The following KLRG2 variants were observed in gnomAD, a reference collection of about 807,000 sequenced individuals.
The protein encoded by KLRG2 is killer cell lectin-like receptor subfamily G member 2.
A neutral mutation model predicts 35.4 loss-of-function variants in KLRG2; 39 were observed. That is an observed-to-expected ratio of 1.10 (90% confidence interval 0.85 to 1.44). KLRG2 has a LOEUF of 1.44. Ranked by LOEUF, KLRG2 falls within the 40% of genes most tolerant of loss-of-function variation. The pLI, the probability that KLRG2 is intolerant of heterozygous loss-of-function variation, is 0.00. For synonymous variants in KLRG2, 283 were observed against 265.8 expected (o/e 1.06, Z -0.63); for missense variants, 632 against 570.9 (o/e 1.11, Z -1.09).
At chr7:139,477,583 C>T (rs189172485) in intron 3 of KLRG2, among the ~76,000 whole-genome samples, 4 of 151,560 alleles carry the variant, frequency 2.6e-5, no homozygotes, top group East Asian at 1.9e-4. Flanking sequence ...GGATTGGGGG[C>T]GGGGGAAATG....
intron 1 of KLRG2, among the ~76,000 whole-genome samples, chr7:139,480,927 A>G (rs1411681219): frequency 1.3e-5 from 2 of 151,682 alleles, no homozygotes; most frequent in Non-Finnish European, 2.9e-5. Flanking sequence ...TATCTTTAGT[A>G]GAGATGGGGT....
At chr7:139,476,672 G>T (rs1252766900) in intron 3 of KLRG2, among the ~76,000 whole-genome samples, 2 of 152,038 alleles carry the variant, frequency 1.3e-5, no homozygotes, top group Non-Finnish European at 2.9e-5. Context: ...ACTCCCGACT[G>T]CAGGTGATCC....
intron 2 of KLRG2, 108 bp downstream of exon 2, chr7:139,480,038 G>GCAT: frequency 1.2e-6 from 1 of 836,628 alleles, no homozygotes; most frequent in Non-Finnish European, 2.0e-6. Flanking sequence ...TCTTCGTGTT[G>GCAT]CATCTCCCAG....
chr7:139,435,545 T>A, the KLRG2 span, among the ~76,000 whole-genome samples: 1 of 152,192 alleles, frequency 6.6e-6, no homozygotes, highest in Admixed American at 6.5e-5. Flanking sequence ...ATCCCACCAC[T>A]GCAATCATGA....
Position 139,453,477 on chromosome 7 carries a change from G to A in KLRG2, c.*110C>T. ...CATGTGGCCCCCTTGAGCAGAGCATGAAGACCTGGATAACTGGGTCCAGGA... is the reference window on the plus strand; with the variant it reads ...CATGTGGCCCCCTTGAGCAGAGCATAAAGACCTGGATAACTGGGTCCAGGA... On this transcript the variant is annotated 3_prime_UTR_variant, in exon 5 of 5. Transcript: ENST00000340940. 8.4e-7 allele frequency: 1 copy of A among 1,188,866 alleles called. No homozygotes were observed. The highest frequency in any genetic ancestry group is 1.4e-5 in the South Asian group (1 of 72,108). 73.6% of individuals were successfully genotyped at this position (1,188,866 alleles called of 1,614,324 possible). A position where few individuals can be genotyped will look rare whatever the true frequency, so the allele number is the denominator to read the frequency against.
chr7:139,461,460 A>G (rs1796565383), intron 3 of KLRG2, among the ~76,000 whole-genome samples: 1 of 152,234 alleles, frequency 6.6e-6, no homozygotes, highest in Non-Finnish European at 1.5e-5. Context: ...TTTGGACTTT[A>G]GGATTGCCAG....
At chr7:139,442,358 C>A in the KLRG2 span, among the ~76,000 whole-genome samples, 2 of 152,178 alleles carry the variant, frequency 1.3e-5, no homozygotes, top group Non-Finnish European at 2.9e-5. Flanking sequence ...TCTCCTAGAG[C>A]ATACATAGCC....
chr7:139,442,742 G>C, the KLRG2 span, among the ~76,000 whole-genome samples: 1 of 152,080 alleles, frequency 6.6e-6, no homozygotes. Flanking sequence ...AGATACTCAG[G>C]AGGCTGAGCC....
rs144837838 is a variant in KLRG2 at position 139,459,562 on chromosome 7, C to T, written c.1006-5348G>A. Among the ~76,000 whole-genome samples, 212 of 152,322 alleles carry T rather than the reference C, an allele frequency of 1.4e-3. 8 individuals are homozygous for T. The East Asian group carries it at 0.022, about 16-fold the overall frequency. On this transcript the variant is annotated intron_variant, in intron 3 of 4. Transcript: ENST00000340940. ...TTTGCACAGCCCATTCCCATCTCAA[C>T]GCCAACACCTCAGGGCCCAGCCCAG... is the stretch of plus-strand genomic sequence containing the variant.
downstream of KLRG2, among the ~76,000 whole-genome samples, chr7:139,451,690 T>G (rs2116417310): frequency 6.6e-6 from 1 of 152,186 alleles, no homozygotes; most frequent in South Asian, 2.1e-4. Flanking sequence ...TGGAGTCAGA[T>G]AGCAAGTGGG....
At chr7:139,468,751 C>T (rs866860371) in intron 3 of KLRG2, among the ~76,000 whole-genome samples, 11 of 152,304 alleles carry the variant, frequency 7.2e-5, no homozygotes, top group Non-Finnish European at 1.3e-4. Context: ...GTAAGTGTGA[C>T]GGGATGAATT....
At chr7:139,430,487 T>G in the KLRG2 span, among the ~76,000 whole-genome samples, 15 of 152,260 alleles carry the variant, frequency 9.9e-5, no homozygotes, top group South Asian at 2.1e-4. Context: ...CACCTAAGTA[T>G]GAATGAAGAT....
At chr7:139,470,054 T>G (rs1796730069) in intron 3 of KLRG2, among the ~76,000 whole-genome samples, 2 of 151,734 alleles carry the variant, frequency 1.3e-5, no homozygotes, top group African/African-American at 4.8e-5. Context: ...AGGGCATGGG[T>G]AAGCAATTCT....
chr7:139,438,277 A>T, the KLRG2 span, among the ~76,000 whole-genome samples: 1 of 152,236 alleles, frequency 6.6e-6, no homozygotes, highest in East Asian at 1.9e-4. Flanking sequence ...TGTCACCCAG[A>T]CTAGAGTGCA....
rs1796419798 is a variant in KLRG2, at chr7:139,454,174, A to C, written c.1046T>G (p.Val349Gly). 1 of 1,545,440 alleles carries C rather than the reference A, an allele frequency of 6.5e-7. No homozygotes were observed. The highest frequency in any genetic ancestry group is 2.4e-5 in the East Asian group (1 of 40,830). The change falls in exon 4 of 5, where the codon GTG becomes GGG. Residue 349 changes from valine (V) to glycine (G), a missense_variant. Coordinates refer to ENST00000340940, the MANE Select transcript of KLRG2 (RefSeq NM_198508.4). ...GRYPVSRHSWVGAWRGPQGWH... is the reference protein window; with the variant it reads ...GRYPVSRHSWGGAWRGPQGWH... Reference sequence around the variant, plus strand: ...GCCCTGGGGGCCTCGCCAGGCCCCCACCCAGGAGTGCCTGGAGACTGGGTA... The same window carrying C: ...GCCCTGGGGGCCTCGCCAGGCCCCCCCCCAGGAGTGCCTGGAGACTGGGTA...
At chr7:139,468,534 C>T (rs533587140) in intron 3 of KLRG2, among the ~76,000 whole-genome samples, 4 of 152,272 alleles carry the variant, frequency 2.6e-5, no homozygotes, top group East Asian at 1.9e-4. Context: ...AATGGCCCCA[C>T]CCTTATCTCC....
intron 3 of KLRG2, among the ~76,000 whole-genome samples, chr7:139,463,343 C>T (rs1796600296): frequency 6.6e-6 from 1 of 152,172 alleles, no homozygotes; most frequent in Non-Finnish European, 1.5e-5. Flanking sequence ...CCTCAAACCC[C>T]ACAACAAGAC....
chr7:139,430,148 A>G, the KLRG2 span, among the ~76,000 whole-genome samples: 1 of 152,240 alleles, frequency 6.6e-6, no homozygotes, highest in Non-Finnish European at 1.5e-5. Context: ...AATGCTTGTA[A>G]TCCCAGCACT....
rs571212341 is a variant in KLRG2, at chr7:139,471,143, C to T, written c.1005+8484G>A. 1.2e-4 allele frequency among the ~76,000 whole-genome samples: 19 copies of T among 152,020 alleles called. No individual in the cohort carries two copies. The South Asian group carries it at 3.1e-3, about 25-fold the overall frequency. On this transcript the variant is annotated intron_variant, in intron 3 of 4. Coordinates refer to ENST00000340940, the MANE Select transcript of KLRG2 (RefSeq NM_198508.4). ...GATTACAGGTGTGAGCCACCGGGCC[C>T]GGACTTCCATTTTTGTTTTAAAGAC...
Sources: gnomAD v4.1 joint callset for allele counts (sites outside exome capture counted in the v4.1 genomes callset) on GRCh38, gnomAD v4.1.1 for gene constraint, MANE v1.5 for transcripts, NCBI Gene and HGNC (gene_info 2026-07-23, HGNC 2026-07-21) for gene names.